Variants in ARHGAP39 observed in about 807,000 individuals in gnomAD.
ARHGAP39 encodes rho GTPase-activating protein 39.
Under a neutral mutation model 106.9 loss-of-function variants are expected in ARHGAP39, and 44 were observed. That is an observed-to-expected ratio of 0.41 (90% confidence interval 0.32 to 0.53). ARHGAP39 has a LOEUF of 0.53. Ranked by LOEUF, ARHGAP39 falls within the 20% of genes least tolerant of loss-of-function variation. The pLI is 0.21. For missense variants in ARHGAP39, 1,496 were observed against 1,577.3 expected, an observed-to-expected ratio of 0.95 and a Z score of 0.87; for synonymous variants, 768 against 693.2, an observed-to-expected ratio of 1.11 and a Z score of -1.69.
At chr8:144,650,359 C>T (rs963841913) in intron 1 of ARHGAP39, among the ~76,000 whole-genome samples, 1 of 152,084 alleles carries the variant, frequency 6.6e-6, no homozygotes, top group Non-Finnish European at 1.5e-5. Context: ...TGAAACTATT[C>T]CAAAAAATTG....
intron 4 of ARHGAP39, among the ~76,000 whole-genome samples, chr8:144,549,470 G>T (rs1157262005): frequency 6.6e-6 from 1 of 152,192 alleles, no homozygotes; most frequent in African/African-American, 2.4e-5. Context: ...TCTAATTGCA[G>T]TCTTTCTTAC....
intron 2 of ARHGAP39, among the ~76,000 whole-genome samples, chr8:144,595,778 G>A (rs1456802370): frequency 6.6e-6 from 1 of 152,120 alleles, no homozygotes; most frequent in Non-Finnish European, 1.5e-5. Context: ...GGGTCCAGTG[G>A]GACCACTCCC....
At chr8:144,561,176 G>A (rs1418216585) in intron 3 of ARHGAP39, among the ~76,000 whole-genome samples, 2 of 151,380 alleles carry the variant, frequency 1.3e-5, no homozygotes, top group Admixed American at 1.3e-4. Context: ...GGTTTCCATC[G>A]CACCCCAGCA....
rs1454460731 is a variant in ARHGAP39, at chr8:144,646,223, C to T, written c.-82+39463G>A. ...CTCTGTGCAGACAGGGCAACAACCG[C>T]AAACGTGTTCAACAGGGAAGAGCAC... is the stretch of plus-strand genomic sequence containing the variant. On this transcript the variant is annotated intron_variant, in intron 1 of 11. Transcript: ENST00000377307. This position sits in a 1 kb window ranked among gnomAD's most constrained non-coding sequence, Gnocchi z 5.7. Among the ~76,000 whole-genome samples the T allele has an allele frequency of 6.6e-6, 1 of 152,194 alleles. No homozygotes were observed. The highest frequency in any genetic ancestry group is 1.5e-5 in the Non-Finnish European group (1 of 68,042).
intron 2 of ARHGAP39, among the ~76,000 whole-genome samples, chr8:144,582,470 G>T (rs1409848063): frequency 6.6e-6 from 1 of 152,242 alleles, no homozygotes; most frequent in Non-Finnish European, 1.5e-5. Context: ...AGCCCTGGGG[G>T]TTCTGGGTCT....
chr8:144,606,760 G>A (rs975504641), intron 1 of ARHGAP39, among the ~76,000 whole-genome samples: 3 of 152,080 alleles, frequency 2.0e-5, no homozygotes, highest in Non-Finnish European at 2.9e-5. Flanking sequence ...AATGAACCTT[G>A]ACCTCTACCT....
chr8:144,639,758 T>A (rs1419219811), intron 1 of ARHGAP39, among the ~76,000 whole-genome samples: 1 of 152,098 alleles, frequency 6.6e-6, no homozygotes, highest in Non-Finnish European at 1.5e-5. Flanking sequence ...TGGATGATGC[T>A]GACACAAACA....
At position 144,548,108 on chromosome 8, in the gene ARHGAP39, A is replaced by T; in HGVS notation, c.978T>A (p.Asp326Glu). The T allele has an allele frequency of 6.3e-7, 1 of 1,585,476 alleles. No homozygotes were observed. The highest frequency in any genetic ancestry group is 8.6e-7 in the Non-Finnish European group (1 of 1,166,028). Residue 326 changes from aspartate (D) to glutamate (E), a missense_variant, in exon 5 of 12, where the codon GAT (aspartate) becomes GAA (glutamate). This residue lies in a region of ARHGAP39 where 905 missense variants were observed against 816.4 expected (regional missense o/e 1.11). Coordinates refer to ENST00000377307, the MANE Select transcript of ARHGAP39 (RefSeq NM_025251.3). The surrounding 1 kb of genome is among the most constrained non-coding windows in gnomAD (Gnocchi z 7.4). ...CGAATTGCACGTCCATGGGGGGCTC[A>T]TCGTAGATGGGGGCCTGGTACTCCA... is the stretch of plus-strand genomic sequence containing the variant. The part of the protein sequence containing the change: ...PPVEYQAPIY[D>E]EPPMDVQFEA...
intron 1 of ARHGAP39, among the ~76,000 whole-genome samples, chr8:144,659,795 G>A (rs186759942): frequency 1.3e-5 from 2 of 152,204 alleles, no homozygotes; most frequent in African/African-American, 4.8e-5. Context: ...CTGTCTTGAG[G>A]GGTCCACTTA....
chr8:144,607,372 G>A (rs1820332326), intron 1 of ARHGAP39, among the ~76,000 whole-genome samples: 1 of 152,196 alleles, frequency 6.6e-6, no homozygotes, highest in East Asian at 1.9e-4. Flanking sequence ...CCCGGGTGGT[G>A]ACGGGGAGGG....
chr8:144,582,894 T>A (rs969168117), intron 2 of ARHGAP39, among the ~76,000 whole-genome samples: 8 of 151,836 alleles, frequency 5.3e-5, no homozygotes, highest in Non-Finnish European at 1.0e-4. Flanking sequence ...GTGGTGGGGG[T>A]CCTGTTGTTT....
At position 144,665,087 on chromosome 8, in the gene ARHGAP39, A is replaced by G. The variant is rs115324656; in HGVS notation, c.-82+20599T>C. Among the ~76,000 whole-genome samples the G allele has an allele frequency of 6.5e-3, 986 of 152,326 alleles. 12 individuals carry two copies. Among genetic ancestry groups the G allele is most frequent in the African/African-American group, 0.022 (918 of 41,570 alleles). ...CAGGCTGAGGTGGTCTCAGATGGAG[A>G]TAACAAACTTGTTGAGAACTGGAGC... On this transcript the variant is annotated intron_variant, in intron 1 of 11. Coordinates refer to ENST00000377307, the MANE Select transcript of ARHGAP39 (RefSeq NM_025251.3).
chr8:144,565,443 T>C (rs1243840921), intron 3 of ARHGAP39, among the ~76,000 whole-genome samples: 3 of 152,126 alleles, frequency 2.0e-5, no homozygotes, highest in Non-Finnish European at 2.9e-5. Context: ...AATTCCAGCA[T>C]GGTGGGAGGT....
intron 1 of ARHGAP39, among the ~76,000 whole-genome samples, chr8:144,622,670 A>G (rs1820835590): frequency 6.6e-6 from 1 of 152,240 alleles, no homozygotes; most frequent in Non-Finnish European, 1.5e-5. Flanking sequence ...ATGAACAAAC[A>G]AGCATTACTA....
chr8:144,589,002 G>A (rs1298650219), intron 2 of ARHGAP39, among the ~76,000 whole-genome samples: 4 of 152,258 alleles, frequency 2.6e-5, no homozygotes, highest in Non-Finnish European at 4.4e-5. Flanking sequence ...TGTCACGTGG[G>A]ACCCGGGGAC....
At chr8:144,633,943 G>C (rs924987089) in intron 1 of ARHGAP39, among the ~76,000 whole-genome samples, 8 of 152,254 alleles carry the variant, frequency 5.3e-5, no homozygotes, top group Non-Finnish European at 1.2e-4. Flanking sequence ...AAGTTCTGCA[G>C]TCAGTTGTAA....
intron 2 of ARHGAP39, among the ~76,000 whole-genome samples, chr8:144,602,186 C>A (rs1280645722): frequency 1.2e-5 from 1 of 82,284 alleles, no homozygotes; most frequent in East Asian, 3.9e-4. Flanking sequence ...TGCTCGTGTA[C>A]CTGTGTGTGC....
At chr8:144,575,617 C>G (rs1818743149) in intron 3 of ARHGAP39, among the ~76,000 whole-genome samples, 1 of 152,138 alleles carries the variant, frequency 6.6e-6, no homozygotes, top group South Asian at 2.1e-4. Context: ...CCTGAGACAA[C>G]AGCGCCGCCT....
At position 144,604,374 on chromosome 8, in the gene ARHGAP39, C is replaced by A. The variant is rs756967119; in HGVS notation, c.80+1161G>T. ...AGACAAACCCAAACCAAGGAACTCT[C>A]TATTTTACTTTATTTACTGTGACAC... On this transcript the variant is annotated intron_variant, in intron 2 of 11. Coordinates refer to ENST00000377307, the MANE Select transcript of ARHGAP39 (RefSeq NM_025251.3). The surrounding 1 kb of genome is among the most constrained non-coding windows in gnomAD (Gnocchi z 4.1). Among the ~76,000 whole-genome samples, 5 of 152,160 alleles carry A rather than the reference C, an allele frequency of 3.3e-5. No individual in the cohort carries two copies. Among genetic ancestry groups the A allele is most frequent in the Non-Finnish European group, 7.3e-5 (5 of 68,032 alleles).
Sources: gnomAD v4.1 joint callset for allele counts (sites outside exome capture counted in the v4.1 genomes callset) on GRCh38, gnomAD v4.1.1 for gene constraint, gnomAD v4.1.1 regional missense constraint, Gnocchi (gnomAD v3.1) non-coding constraint, MANE v1.5 for transcripts, NCBI Gene and HGNC (gene_info 2026-07-23, HGNC 2026-07-21) for gene names.